Variants in CNTN5 observed in about 807,000 individuals in gnomAD.
CNTN5 encodes contactin-5.
A neutral mutation model predicts 129.1 loss-of-function variants in CNTN5; 77 were observed. That is an observed-to-expected ratio of 0.60 (90% CI 0.50 to 0.72). The LOEUF (loss-of-function observed/expected upper bound fraction) is 0.72. Ranked by LOEUF, CNTN5 falls within the 30% of genes least tolerant of loss-of-function variation. The pLI is 0.00. For missense variants in CNTN5, 1,478 were observed against 1,328.8 expected, an observed-to-expected ratio of 1.11 and a Z score of -1.75; for synonymous variants, 509 against 465.6, an observed-to-expected ratio of 1.09 and a Z score of -1.20.
chr11:100,074,589 G>T (rs1421394853), intron 13 of CNTN5, among the ~76,000 whole-genome samples: 1 of 152,076 alleles, frequency 6.6e-6, no homozygotes, highest in African/African-American at 2.4e-5. Context: ...TCTTGCTTCT[G>T]CATTTAGGAG....
At chr11:99,541,974 A>G (rs947159763) in intron 2 of CNTN5, among the ~76,000 whole-genome samples, 35 of 121,036 alleles carry the variant, frequency 2.9e-4, no homozygotes, top group East Asian at 8.3e-4. Flanking sequence ...AAAAAAAAAA[A>G]AAAAAGAAAA....
At chr11:100,144,306 T>C (rs1946785209) in intron 13 of CNTN5, among the ~76,000 whole-genome samples, 1 of 152,144 alleles carries the variant, frequency 6.6e-6, no homozygotes, top group Non-Finnish European at 1.5e-5. Flanking sequence ...TCGGCTTCTA[T>C]TGAAACCCAT....
intron 13 of CNTN5, among the ~76,000 whole-genome samples, chr11:100,092,428 C>T (rs936901619): frequency 1.3e-5 from 2 of 152,196 alleles, no homozygotes; most frequent in Middle Eastern, 3.4e-3. Flanking sequence ...CCTGCATTTT[C>T]GTGGTGAATG....
chr11:100,245,151 C>T (rs1438990127), intron 16 of CNTN5, among the ~76,000 whole-genome samples: 3 of 151,962 alleles, frequency 2.0e-5, no homozygotes, highest in South Asian at 2.1e-4. Flanking sequence ...TATGCAAGGG[C>T]CCACAGGTTT....
chr11:99,854,456 A>G (rs1346926672), intron 6 of CNTN5, among the ~76,000 whole-genome samples: 3 of 152,072 alleles, frequency 2.0e-5, no homozygotes, highest in African/African-American at 7.2e-5. Context: ...ATTCCAGGTA[A>G]AAAGGGCTTG....
At chr11:100,329,891 C>A (rs972750818) in intron 21 of CNTN5, among the ~76,000 whole-genome samples, 3 of 152,134 alleles carry the variant, frequency 2.0e-5, no homozygotes, top group Non-Finnish European at 2.9e-5. Context: ...CCGGAAAAAA[C>A]AATTCTGGTA....
chr11:99,407,911 C>G (rs545748247), intron 2 of CNTN5, among the ~76,000 whole-genome samples: 2 of 152,130 alleles, frequency 1.3e-5, no homozygotes, highest in Admixed American at 1.3e-4. Context: ...AAAATACTCT[C>G]TGCATCATGC....
chr11:99,971,429 A>G (rs1416613193), intron 8 of CNTN5, among the ~76,000 whole-genome samples: 1 of 151,780 alleles, frequency 6.6e-6, no homozygotes, highest in Non-Finnish European at 1.5e-5. Context: ...TGTAGTCACA[A>G]CTACTGGGGA....
At chr11:100,018,496 T>C (rs978863341) in intron 9 of CNTN5, among the ~76,000 whole-genome samples, 1 of 151,978 alleles carries the variant, frequency 6.6e-6, no homozygotes, top group African/African-American at 2.4e-5. Flanking sequence ...GTTGAATGTG[T>C]CAATAGATCA....
At chr11:100,095,055 GCATC>G (rs1565235170) in intron 13 of CNTN5, among the ~76,000 whole-genome samples, 1 of 152,048 alleles carries the variant, frequency 6.6e-6, no homozygotes, top group Admixed American at 6.6e-5. Context: ...TTTTAGGATA[GCATC>G]CATATTGTAG....
intron 13 of CNTN5, among the ~76,000 whole-genome samples, chr11:100,095,606 T>A (rs1378187875): frequency 2.0e-5 from 3 of 152,104 alleles, no homozygotes; most frequent in Non-Finnish European, 4.4e-5. Flanking sequence ...GGTAAAAGGC[T>A]CTATTTGAAT....
In CNTN5 at chr11:99,410,632, T is replaced by C. The variant is rs560800546; in HGVS notation, c.-71+85148T>C. Among the ~76,000 whole-genome samples, 15 of 152,334 alleles carry C rather than the reference T, an allele frequency of 9.8e-5. No homozygotes were observed. In the South Asian group the frequency reaches 3.1e-3, roughly 32 times the overall value. On this transcript the variant is annotated intron_variant, in intron 2 of 24. Transcript: ENST00000524871. Reference sequence around the variant, plus strand: ...ATTTATCCAGAAAGTACTACTCAAATTCTCCTTGATTTTCCCTGGGCAACA... The same window carrying C: ...ATTTATCCAGAAAGTACTACTCAAACTCTCCTTGATTTTCCCTGGGCAACA...
intron 2 of CNTN5, among the ~76,000 whole-genome samples, chr11:99,399,941 A>G (rs1034742891): frequency 2.0e-5 from 3 of 152,028 alleles, no homozygotes; most frequent in African/African-American, 7.2e-5. Flanking sequence ...ATGTGTAATA[A>G]TCACATCATG....
chr11:100,292,098 C>T (rs759307567), intron 18 of CNTN5, among the ~76,000 whole-genome samples: 1 of 151,954 alleles, frequency 6.6e-6, no homozygotes, highest in Non-Finnish European at 1.5e-5. Context: ...CTTCCCAGCA[C>T]AGACCTGACC....
intron 8 of CNTN5, among the ~76,000 whole-genome samples, chr11:99,993,202 C>T (rs937819426): frequency 6.6e-6 from 1 of 152,182 alleles, no homozygotes; most frequent in Non-Finnish European, 1.5e-5. Flanking sequence ...TAATGTAGTA[C>T]ATATAGTATG....
At chr11:99,484,612 A>G (rs1001210178) in intron 2 of CNTN5, among the ~76,000 whole-genome samples, 1 of 152,160 alleles carries the variant, frequency 6.6e-6, no homozygotes, top group Non-Finnish European at 1.5e-5. Context: ...ACAACAACCC[A>G]TTTATGTTCA....
In CNTN5 at chr11:99,174,815, G is replaced by A. The variant is rs573956187; in HGVS notation, c.-209-150531G>A. Among the ~76,000 whole-genome samples the A allele has an allele frequency of 2.2e-4, 33 of 151,690 alleles. No individual in the cohort carries two copies. The South Asian group carries it at 4.4e-3, about 20-fold the overall frequency. ...TTTTCATTAATTAACTTATTAATGC[G>A]GTAATCACAGAATTTTCCAACTATT... is the stretch of plus-strand genomic sequence containing the variant. On this transcript the variant is annotated intron_variant, in intron 1 of 24. Coordinates refer to ENST00000524871, the MANE Select transcript of CNTN5 (RefSeq NM_014361.4).
chr11:99,965,049 G>A (rs978531188), intron 8 of CNTN5, among the ~76,000 whole-genome samples: 1 of 151,734 alleles, frequency 6.6e-6, no homozygotes, highest in African/African-American at 2.4e-5. Context: ...ATTCTTCTCT[G>A]TTTTCTTCTT....
At chr11:99,315,981 G>C (rs1340266601) in intron 1 of CNTN5, among the ~76,000 whole-genome samples, 1 of 152,068 alleles carries the variant, frequency 6.6e-6, no homozygotes, top group Admixed American at 6.5e-5. Flanking sequence ...ATGGGTATAT[G>C]TGTATGCAAA....
Sources: gnomAD v4.1 joint callset for allele counts (sites outside exome capture counted in the v4.1 genomes callset) on GRCh38, gnomAD v4.1.1 for gene constraint, MANE v1.5 for transcripts, NCBI Gene and HGNC (gene_info 2026-07-23, HGNC 2026-07-21) for gene names.